The following MACROD2 variants were observed in gnomAD, a reference collection of about 807,000 sequenced individuals.
MACROD2 encodes the protein mono-ADP ribosylhydrolase 2, also known as ADP-ribose glycohydrolase MACROD2.
In MACROD2, 36 loss-of-function variants were observed where a neutral mutation model predicts 70.4. The observed-to-expected ratio is 0.51, with a 90% CI of 0.39 to 0.68. The LOEUF is 0.68. Ranked by LOEUF, MACROD2 falls within the 30% of genes least tolerant of loss-of-function variation. MACROD2 has a pLI of 0.00. For missense variants in MACROD2, 496 were observed against 538.4 expected (o/e 0.92, Z 0.78); for synonymous variants, 172 against 178.8 (o/e 0.96, Z 0.30).
chr20:14,366,290 G>A (rs1449467111), intron 3 of MACROD2, among the ~76,000 whole-genome samples: 1 of 151,536 alleles, frequency 6.6e-6, no homozygotes, highest in Non-Finnish European at 1.5e-5. Flanking sequence ...ATTATTAGGT[G>A]CATATATATT....
intron 6 of MACROD2, among the ~76,000 whole-genome samples, chr20:15,243,043 G>A (rs2077073602): frequency 6.6e-6 from 1 of 152,166 alleles, no homozygotes; most frequent in Non-Finnish European, 1.5e-5. Flanking sequence ...GGTGTGAGGA[G>A]TCTAGACCTG....
At chr20:14,411,591 C>T (rs2083749742) in intron 3 of MACROD2, among the ~76,000 whole-genome samples, 1 of 152,276 alleles carries the variant, frequency 6.6e-6, no homozygotes, top group East Asian at 1.9e-4. Flanking sequence ...AATACTATCA[C>T]TGTGCTACTA....
chr20:15,941,099 C>T (rs1387378774), intron 12 of MACROD2, among the ~76,000 whole-genome samples: 2 of 152,080 alleles, frequency 1.3e-5, no homozygotes, highest in Non-Finnish European at 2.9e-5. Context: ...ATTGCTTATG[C>T]CAGGATCCAT....
chr20:15,647,482 C>T (rs2049566088), intron 8 of MACROD2, among the ~76,000 whole-genome samples: 1 of 152,110 alleles, frequency 6.6e-6, no homozygotes, highest in African/African-American at 2.4e-5. Context: ...TTAGGATGCA[C>T]AAAATGATCC....
Position 15,825,152 on chromosome 20 carries a change from A to G in MACROD2, c.646-37593A>G, listed in dbSNP as rs184173837. Among the ~76,000 whole-genome samples, 18 of 152,226 alleles carry G rather than the reference A, an allele frequency of 1.2e-4. 1 individual carries two copies. Among genetic ancestry groups the G allele is most frequent in the Admixed American group, 1.1e-3 (17 of 15,286 alleles). On this transcript the variant is annotated intron_variant, in intron 8 of 17. Coordinates refer to ENST00000684519, the MANE Select transcript of MACROD2 (RefSeq NM_001351661.2). ...TTTTGAGAGATTAAAAATGTCTGCA[A>G]ATTTTTTGTCATGCCCCCCACTGAA... is the stretch of plus-strand genomic sequence containing the variant.
intron 8 of MACROD2, among the ~76,000 whole-genome samples, chr20:15,679,102 T>A (rs1187816755): frequency 6.6e-6 from 1 of 152,054 alleles, no homozygotes; most frequent in South Asian, 2.1e-4. Context: ...CTGGGTGTAG[T>A]GGCACATGTC....
chr20:14,436,671 A>G (rs1315500068), intron 3 of MACROD2, among the ~76,000 whole-genome samples: 1 of 152,190 alleles, frequency 6.6e-6, no homozygotes, highest in African/African-American at 2.4e-5. Context: ...AAACTTAGTC[A>G]ACTGTAGGCT....
intron 3 of MACROD2, among the ~76,000 whole-genome samples, chr20:14,335,381 A>T (rs1221686666): frequency 6.6e-6 from 1 of 152,222 alleles, no homozygotes; most frequent in Non-Finnish European, 1.5e-5. Context: ...CAAGATTTCA[A>T]CCAAATTTAT....
chr20:15,576,495 C>A (rs994146765), intron 8 of MACROD2, among the ~76,000 whole-genome samples: 2 of 151,730 alleles, frequency 1.3e-5, no homozygotes, highest in Non-Finnish European at 2.9e-5. Context: ...AGATATTTTT[C>A]TGGTCAAAAA....
Position 15,892,949 on chromosome 20 carries a change from CT to C in MACROD2, c.775+7139del, listed in dbSNP as rs148292110. 2.8e-3 allele frequency: 1,127 copies of C among 398,926 alleles called. 17 individuals carry two copies. Among genetic ancestry groups the C allele is most frequent in the African/African-American group, 0.021 (1,016 of 48,732 alleles). 24.7% of individuals were successfully genotyped at this position (398,926 alleles called of 1,614,324 possible). A position where few individuals can be genotyped will look rare whatever the true frequency, so the allele number is the denominator to read the frequency against. ...CAGAGGGGTTAGAGCCAAAAGGCCT[CT>C]CTCCACCCTACAAAAAGAGCAAAGC... On this transcript the variant is annotated intron_variant, in intron 10 of 17. Transcript: ENST00000684519.
At chr20:14,968,556 G>A (rs541390712) in intron 5 of MACROD2, among the ~76,000 whole-genome samples, 4 of 152,310 alleles carry the variant, frequency 2.6e-5, no homozygotes, top group East Asian at 1.9e-4. Context: ...CAACCTGGAC[G>A]TGATTCTCCT....
At chr20:14,767,737 C>T (rs1382871474) in intron 5 of MACROD2, among the ~76,000 whole-genome samples, 1 of 151,836 alleles carries the variant, frequency 6.6e-6, no homozygotes, top group Non-Finnish European at 1.5e-5. Context: ...GTTTGCCGCA[C>T]CCATCAACCT....
chr20:14,875,098 T>C (rs1054003405), intron 5 of MACROD2, among the ~76,000 whole-genome samples: 3 of 151,922 alleles, frequency 2.0e-5, no homozygotes, highest in African/African-American at 4.8e-5. Flanking sequence ...AAAAGACTAT[T>C]TGGGCTGGGC....
chr20:14,445,750 A>G (rs1443257666), intron 3 of MACROD2, among the ~76,000 whole-genome samples: 1 of 152,118 alleles, frequency 6.6e-6, no homozygotes, highest in East Asian at 1.9e-4. Flanking sequence ...TCTAGGGGCA[A>G]AACTTAAAGT....
chr20:15,924,435 A>G (rs1243433795), intron 10 of MACROD2, among the ~76,000 whole-genome samples: 1 of 152,210 alleles, frequency 6.6e-6, no homozygotes, highest in Admixed American at 6.5e-5. Flanking sequence ...TGGAGAACTG[A>G]AGCAGTTACT....
chr20:15,372,740 T>C (rs2045510187), intron 6 of MACROD2, among the ~76,000 whole-genome samples: 1 of 152,170 alleles, frequency 6.6e-6, no homozygotes, highest in Non-Finnish European at 1.5e-5. Context: ...TTATGGTTTC[T>C]GCCATTCATG....
chr20:14,635,740 T>C (rs895512979), intron 4 of MACROD2, among the ~76,000 whole-genome samples: 6 of 152,196 alleles, frequency 3.9e-5, no homozygotes, highest in Non-Finnish European at 7.3e-5. Flanking sequence ...TATGTTGAAG[T>C]TTTAAACAAC....
At chr20:14,227,853 C>T (rs181489750) in intron 3 of MACROD2, among the ~76,000 whole-genome samples, 36 of 152,210 alleles carry the variant, frequency 2.4e-4, no homozygotes, top group Non-Finnish European at 4.1e-4. Context: ...AATACATGGT[C>T]CAGGATTTAA....
chr20:14,151,691 A>G lies in MACROD2; in HGVS notation c.271+65963A>G, dbSNP rs185491721. Among the ~76,000 whole-genome samples, 11 of 152,218 alleles carry G rather than the reference A, an allele frequency of 7.2e-5. No homozygotes were observed. The East Asian group carries it at 2.1e-3, about 29-fold the overall frequency. ...CAAAAACATGGTCTAGTTATATGGC[A>G]GTTATCCAAAAGTATTGTCTCCAAA... On this transcript the variant is annotated intron_variant, in intron 3 of 17. Coordinates refer to ENST00000684519, the MANE Select transcript of MACROD2 (RefSeq NM_001351661.2).
Sources: allele counts gnomAD v4.1 joint callset (sites outside exome capture counted in the v4.1 genomes callset), GRCh38; gene constraint gnomAD v4.1.1; transcripts MANE v1.5; gene names NCBI Gene and HGNC (gene_info 2026-07-23, HGNC 2026-07-21).